BMPR1B: variants seen among roughly 807,000 people sequenced by gnomAD.
The protein encoded by BMPR1B is bone morphogenetic protein receptor type 1B, also known as bone morphogenetic protein receptor type-1B.
BMPR1B carries 12 observed loss-of-function variants against 59.1 expected under a neutral mutation model. The observed-to-expected ratio is 0.20, with a 90% CI of 0.13 to 0.33. The LOEUF (loss-of-function observed/expected upper bound fraction) is 0.33. BMPR1B is among the 10% of genes least tolerant of loss of function. The pLI is 1.00. For synonymous variants in BMPR1B, 237 were observed against 207.3 expected (o/e 1.14, Z -1.23); for missense variants, 550 against 610.9 (o/e 0.90, Z 1.05).
intron 2 of BMPR1B, among the ~76,000 whole-genome samples, chr4:94,990,918 C>T (rs1721709254): frequency 6.6e-6 from 1 of 152,142 alleles, no homozygotes; most frequent in South Asian, 2.1e-4. Flanking sequence ...TCCTTGCTTA[C>T]CTCCCACCTT....
intron 2 of BMPR1B, among the ~76,000 whole-genome samples, chr4:94,886,457 C>T (rs1365332853): frequency 6.6e-6 from 1 of 152,152 alleles, no homozygotes; most frequent in Non-Finnish European, 1.5e-5. Context: ...AAGTTGAGCT[C>T]TACAAATACT....
chr4:95,018,684 C>G (rs1723756273), intron 3 of BMPR1B, among the ~76,000 whole-genome samples: 1 of 152,136 alleles, frequency 6.6e-6, no homozygotes, highest in African/African-American at 2.4e-5. Flanking sequence ...TTATTTCACA[C>G]AACTGAAATG....
chr4:95,030,334 T>C (rs111912758), intron 3 of BMPR1B, among the ~76,000 whole-genome samples: 4 of 152,178 alleles, frequency 2.6e-5, no homozygotes, highest in Non-Finnish European at 5.9e-5. Context: ...TTTCTCCATA[T>C]GGCTAGCCAG....
intron 2 of BMPR1B, among the ~76,000 whole-genome samples, chr4:94,934,928 A>T (rs1011974215): frequency 6.6e-6 from 1 of 152,088 alleles, no homozygotes; most frequent in Non-Finnish European, 1.5e-5. Flanking sequence ...GAGGATCCCA[A>T]TTATTACAGA....
intron 2 of BMPR1B, among the ~76,000 whole-genome samples, chr4:94,887,012 A>G (rs1038234062): frequency 2.6e-5 from 4 of 152,112 alleles, no homozygotes; most frequent in African/African-American, 9.7e-5. Flanking sequence ...CAGTCCTCCA[A>G]TTGCATTGCT....
At chr4:94,785,129 C>T (rs538531790) in intron 1 of BMPR1B, among the ~76,000 whole-genome samples, 36 of 152,284 alleles carry the variant, frequency 2.4e-4, no homozygotes, top group Non-Finnish European at 4.0e-4. Flanking sequence ...TAGCTTACCG[C>T]GATTTCTTGC....
At chr4:94,901,900 A>ATG (rs1158109526) in intron 2 of BMPR1B, among the ~76,000 whole-genome samples, 1 of 151,908 alleles carries the variant, frequency 6.6e-6, no homozygotes, top group Non-Finnish European at 1.5e-5. Flanking sequence ...CTACTTGTAT[A>ATG]TGTGTGTGTA....
chr4:94,758,761 T>G (rs546816118), intron 1 of BMPR1B, among the ~76,000 whole-genome samples: 13 of 151,990 alleles, frequency 8.6e-5, no homozygotes, highest in African/African-American at 2.9e-4. Context: ...TTTTCTTCCT[T>G]TCTCCCTTCC....
At chr4:95,070,526 A>C (rs189060815) in intron 3 of BMPR1B, among the ~76,000 whole-genome samples, 4 of 152,268 alleles carry the variant, frequency 2.6e-5, no homozygotes. Flanking sequence ...TGAGTTTGAC[A>C]TATAAACAAG....
intron 3 of BMPR1B, among the ~76,000 whole-genome samples, chr4:95,079,852 A>AT (rs1728986849): frequency 6.6e-6 from 1 of 152,058 alleles, no homozygotes; most frequent in Non-Finnish European, 1.5e-5. Context: ...ACCAAGACTG[A>AT]TTCGTTCCAC....
At chr4:94,908,741 A>T (rs1578790107) in intron 2 of BMPR1B, among the ~76,000 whole-genome samples, 1 of 152,172 alleles carries the variant, frequency 6.6e-6, no homozygotes, top group East Asian at 1.9e-4. Flanking sequence ...ATGGTGGCTC[A>T]TTAAAGCATT....
At chr4:94,817,341 G>T (rs891032831) in intron 1 of BMPR1B, among the ~76,000 whole-genome samples, 1 of 152,210 alleles carries the variant, frequency 6.6e-6, no homozygotes, top group Non-Finnish European at 1.5e-5. Flanking sequence ...ATTCTGAGAA[G>T]AATATGCCAT....
intron 2 of BMPR1B, among the ~76,000 whole-genome samples, chr4:94,929,863 T>A (rs980733425): frequency 6.6e-6 from 1 of 152,054 alleles, no homozygotes; most frequent in Non-Finnish European, 1.5e-5. Flanking sequence ...AACCTCGTCT[T>A]CCCTTCCCCC....
chr4:94,957,946 G>A (rs1027110101), intron 2 of BMPR1B, among the ~76,000 whole-genome samples: 1 of 152,146 alleles, frequency 6.6e-6, no homozygotes, highest in East Asian at 1.9e-4. Context: ...TTGATTTGTA[G>A]GCCATTATTA....
chr4:95,157,535 C>G lies in BMPR1B; in HGVS notation c.*2862C>G, dbSNP rs1398498513. 1.3e-5 allele frequency: 2 copies of G among 151,876 alleles called. No individual in the cohort carries two copies. The highest frequency in any genetic ancestry group is 2.9e-5 in the Non-Finnish European group (2 of 67,952). 9.4% of individuals were successfully genotyped at this position (151,876 alleles called of 1,614,324 possible). On this transcript the variant is annotated 3_prime_UTR_variant, in exon 13 of 13. Transcript: ENST00000515059. ...AAGAAGAGTTTCTTCTAACCCCTCCCTCTCAAAGGAATCCTAAATTATTAG... is the reference window on the plus strand; with the variant it reads ...AAGAAGAGTTTCTTCTAACCCCTCCGTCTCAAAGGAATCCTAAATTATTAG...
chr4:94,775,047 C>T (rs1270224380), intron 1 of BMPR1B, among the ~76,000 whole-genome samples: 3 of 152,132 alleles, frequency 2.0e-5, no homozygotes, highest in Admixed American at 6.5e-5. Flanking sequence ...TTGACTAAAA[C>T]TAGTGTAGAA....
At chr4:95,151,487 A>T (rs1735039044) in intron 11 of BMPR1B, among the ~76,000 whole-genome samples, 1 of 152,202 alleles carries the variant, frequency 6.6e-6, no homozygotes, top group South Asian at 2.1e-4. Flanking sequence ...TTCTTATCTC[A>T]TATGGAGGTA....
Position 95,156,847 on chromosome 4 carries a change from C to A in BMPR1B, c.*2174C>A, listed in dbSNP as rs575460895. 6.6e-6 allele frequency: 1 copy of A among 152,164 alleles called. No homozygotes were observed. The highest frequency in any genetic ancestry group is 2.4e-5 in the African/African-American group (1 of 41,450). The allele number at this position is 152,164 out of a possible 1,614,324, so 9.4% of individuals were successfully genotyped here. A position where few individuals can be genotyped will look rare whatever the true frequency, so the allele number is the denominator to read the frequency against. Reference sequence around the variant, plus strand: ...GTTAGAACTAAGTGTGACTAATCATCTGAGCCTTGAAGAGAAACTTCAGTG... The same window carrying A: ...GTTAGAACTAAGTGTGACTAATCATATGAGCCTTGAAGAGAAACTTCAGTG... On this transcript the variant is annotated 3_prime_UTR_variant, in exon 13 of 13. Coordinates refer to ENST00000515059, the MANE Select transcript of BMPR1B (RefSeq NM_001203.3).
At chr4:94,784,102 CTT>C (rs1279579742) in intron 1 of BMPR1B, among the ~76,000 whole-genome samples, 1 of 152,104 alleles carries the variant, frequency 6.6e-6, no homozygotes, top group Non-Finnish European at 1.5e-5. Flanking sequence ...TTTCCAGAGA[CTT>C]TAAGTGTTTT....
Sources: gnomAD v4.1 joint callset for allele counts (sites outside exome capture counted in the v4.1 genomes callset) on GRCh38, gnomAD v4.1.1 for gene constraint, MANE v1.5 for transcripts, NCBI Gene and HGNC (gene_info 2026-07-23, HGNC 2026-07-21) for gene names.